CDC42BPB: variants seen among roughly 807,000 people sequenced by gnomAD.
CDC42BPB encodes CDC42 binding protein kinase beta, also known as serine/threonine-protein kinase MRCK beta.
A neutral mutation model predicts 214.9 loss-of-function variants in CDC42BPB; 37 were observed. The observed-to-expected ratio is 0.17, with a 90% CI of 0.13 to 0.23. CDC42BPB has a LOEUF of 0.23. CDC42BPB is among the 10% of genes least tolerant of loss of function. The pLI, the probability that CDC42BPB is intolerant of heterozygous loss-of-function variation, is 1.00. For synonymous variants in CDC42BPB, 931 were observed against 884.0 expected (o/e 1.05, Z -0.94); for missense variants, 1,694 against 2,227.0 (o/e 0.76, Z 4.82).
At chr14:102,967,433 T>C in intron 16 of CDC42BPB, 1 of 801,700 alleles carries the variant, frequency 1.2e-6, no homozygotes. Flanking sequence ...AAACATCCTA[T>C]TTAAAAGACC....
At chr14:102,969,107 C>T (rs1893355693) in intron 14 of CDC42BPB, among the ~76,000 whole-genome samples, 1 of 152,242 alleles carries the variant, frequency 6.6e-6, no homozygotes, top group African/African-American at 2.4e-5. Flanking sequence ...AGGGGCCGTG[C>T]ACCCCAGCCA....
At chr14:103,002,359 A>G (rs577861164) in intron 4 of CDC42BPB, among the ~76,000 whole-genome samples, 1 of 152,334 alleles carries the variant, frequency 6.6e-6, no homozygotes, top group Non-Finnish European at 1.5e-5. Flanking sequence ...TCTCAAGAAC[A>G]TGGAATCTTC....
At chr14:103,003,304 C>G (rs1332536677) in intron 4 of CDC42BPB, among the ~76,000 whole-genome samples, 1 of 152,240 alleles carries the variant, frequency 6.6e-6, no homozygotes, top group Non-Finnish European at 1.5e-5. Flanking sequence ...GCGGCCAAGA[C>G]CAAGGGCTGG....
At chr14:102,941,316 A>G (rs1891878807) in intron 30 of CDC42BPB, 1 of 985,354 alleles carries the variant, frequency 1.0e-6, no homozygotes, top group African/African-American at 1.7e-5. Context: ...GACACACCTC[A>G]CTGTCTGAAG....
chr14:102,966,127 G>A (rs1354768842), intron 18 of CDC42BPB, among the ~76,000 whole-genome samples, 155 bp downstream of exon 18: 1 of 152,188 alleles, frequency 6.6e-6, no homozygotes, highest in Non-Finnish European at 1.5e-5. Flanking sequence ...TCTGAGAGCT[G>A]GCAAATGTTG....
rs551721205 is a variant in CDC42BPB, at chr14:103,013,892, G to A, written c.176-1704C>T. Among the ~76,000 whole-genome samples the A allele has an allele frequency of 2.8e-4, 42 of 152,312 alleles. 1 individual carries two copies. The South Asian group carries it at 7.7e-3, about 28-fold the overall frequency. ...CACAAGAAGCTCCTAGAGGCCAGGC[G>A]CAGTGGCTCACACCTGTAATCCCGG... On this transcript the variant is annotated intron_variant, in intron 1 of 36. Transcript: ENST00000361246.
rs1204345458 is a variant in CDC42BPB, at chr14:102,968,551, C to A, written c.2161G>T (p.Asp721Tyr). 1 of 1,614,224 alleles carries A rather than the reference C, an allele frequency of 6.2e-7. No individual in the cohort carries two copies. The highest frequency in any genetic ancestry group is 8.5e-7 in the Non-Finnish European group (1 of 1,180,056). The change falls in exon 15 of 37, where the codon GAT (aspartate) becomes TAT (tyrosine). Residue 721 changes from aspartate (D) to tyrosine (Y), a missense_variant. By Grantham distance (160) the Asp-to-Tyr change is radical. Around this residue, in one of 7 missense-constraint regions of CDC42BPB, gnomAD observed 462 missense variants for 513.5 expected, o/e 0.90. Coordinates refer to ENST00000361246, the MANE Select transcript of CDC42BPB (RefSeq NM_006035.4). ...EVKNVKKEVHDSESHQLALQK... is the reference protein window; with the variant it reads ...EVKNVKKEVHYSESHQLALQK... The stretch of plus-strand genomic sequence containing the variant: ...AGGGCCAGCTGGTGGCTTTCTGAAT[C>A]ATGCACCTCCTTCTTCACATTTTTC...
chr14:102,959,944 C>T (rs1375182539), intron 20 of CDC42BPB: 5 of 636,414 alleles, frequency 7.9e-6, no homozygotes, highest in South Asian at 1.4e-4. Context: ...CGGTGGCTCA[C>T]GCCTGTAATC....
chr14:102,935,013 CAAAAAAAA>C (rs35596449), intron 36 of CDC42BPB, among the ~76,000 whole-genome samples: 73 of 71,384 alleles, frequency 1.0e-3, no homozygotes, highest in Middle Eastern at 0.017. Flanking sequence ...GACTCTGTCT[CAAAAAAAA>C]AAAAAAAAGA....
At chr14:102,967,580 G>C (rs576955025) in intron 16 of CDC42BPB, among the ~76,000 whole-genome samples, 1 of 152,342 alleles carries the variant, frequency 6.6e-6, no homozygotes, top group South Asian at 2.1e-4. Context: ...CCGCACACCA[G>C]GCCCTGTGGT....
chr14:102,995,580 A>G (rs1049095986), intron 5 of CDC42BPB, among the ~76,000 whole-genome samples: 1 of 152,232 alleles, frequency 6.6e-6, no homozygotes, highest in Non-Finnish European at 1.5e-5. Flanking sequence ...AGGGGCACCC[A>G]CAGGGTCCTG....
chr14:103,006,015 C>CA (rs1172933917), intron 3 of CDC42BPB, among the ~76,000 whole-genome samples: 1,726 of 57,514 alleles, frequency 0.03, 39 homozygotes, highest in African/African-American at 0.054. Context: ...AGAGACGTCT[C>CA]AAAAAAAAAA....
rs773912384 is a variant in CDC42BPB at position 102,944,028 on chromosome 14, A to G, written c.4271T>C (p.Phe1424Ser). Residue 1424 changes from phenylalanine (F) to serine (S), a missense_variant, in exon 30 of 37, where the codon TTT becomes TCT. Phe to Ser is a radical substitution (Grantham distance 155, BLOSUM62 -2). Coordinates refer to ENST00000361246, the MANE Select transcript of CDC42BPB (RefSeq NM_006035.4). This position sits in a 1 kb window ranked among gnomAD's most constrained non-coding sequence, Gnocchi z 6.6. The part of the protein sequence containing the change: ...PSLAFLSQQS[F>S]DALCAVELES... ...GAGCTCCACAGCACAAAGGGCATCA[A>G]AAGACTGTTGTGAGAGGAACGCAAG... 3.7e-6 allele frequency: 6 copies of G among 1,613,522 alleles called. No individual in the cohort carries two copies. Among genetic ancestry groups the G allele is most frequent in the East Asian group, 2.2e-5 (1 of 44,882 alleles).
intron 36 of CDC42BPB, chr14:102,936,964 G>A (rs993051909): frequency 2.0e-5 from 3 of 152,198 alleles, no homozygotes; most frequent in Non-Finnish European, 2.9e-5. Flanking sequence ...CTTGAGCCCA[G>A]GAGTTGGGAG....
intron 14 of CDC42BPB, 94 bp downstream of exon 14, chr14:102,970,057 G>A: frequency 2.0e-6 from 2 of 1,014,280 alleles, no homozygotes; most frequent in South Asian, 1.5e-5. Context: ...ACTCGGCCCG[G>A]ACCACACATT....
intron 20 of CDC42BPB, among the ~76,000 whole-genome samples, chr14:102,962,065 T>C (rs903303852): frequency 3.9e-5 from 6 of 152,152 alleles, no homozygotes; most frequent in Non-Finnish European, 8.8e-5. Flanking sequence ...AAAAAGATGC[T>C]CAATCTTACT....
chr14:103,017,090 G>A (rs1230538656), intron 1 of CDC42BPB, among the ~76,000 whole-genome samples: 1 of 152,182 alleles, frequency 6.6e-6, no homozygotes, highest in Admixed American at 6.5e-5. Flanking sequence ...GGGAGGCTGA[G>A]GCAAGAGGAC....
intron 18 of CDC42BPB, among the ~76,000 whole-genome samples, chr14:102,965,686 G>C (rs557261102): frequency 2.6e-5 from 4 of 152,354 alleles, no homozygotes; most frequent in African/African-American, 9.6e-5. Flanking sequence ...GCCAGGTGTG[G>C]GGGCTCATGC....
chr14:102,967,639 G>A (rs189663816), intron 16 of CDC42BPB, among the ~76,000 whole-genome samples: 163 of 152,328 alleles, frequency 1.1e-3, no homozygotes, highest in Middle Eastern at 6.8e-3. Context: ...GTTGCTGTGC[G>A]GGACGCTGCC....
Sources: allele counts gnomAD v4.1 joint callset (sites outside exome capture counted in the v4.1 genomes callset), GRCh38; gene constraint gnomAD v4.1.1; regional missense constraint gnomAD v4.1.1; non-coding constraint Gnocchi (gnomAD v3.1); transcripts MANE v1.5; gene names NCBI Gene and HGNC (gene_info 2026-07-23, HGNC 2026-07-21).